GALC: variants seen among roughly 807,000 people sequenced by gnomAD.
GALC encodes galactosylceramidase, also known as galactocerebrosidase.
Under a neutral mutation model 91.8 loss-of-function variants are expected in GALC, and 77 were observed. The observed-to-expected ratio is 0.84, with a 90% CI of 0.70 to 1.01. GALC has a LOEUF of 1.01. Ranked by LOEUF, GALC falls within the 50% of genes least tolerant of loss-of-function variation. The pLI is 0.00. For synonymous variants in GALC, 357 were observed against 306.7 expected (o/e 1.16, Z -1.71); for missense variants, 882 against 855.9 (o/e 1.03, Z -0.38).
At position 87,934,843 on chromosome 14, in the gene GALC, A is replaced by C; in HGVS notation, c.1947T>G (p.Ser649=). Residue 649 remains serine (S), a synonymous_variant, in exon 17 of 17, where the codon TCT becomes TCG. Coordinates refer to ENST00000261304, the MANE Select transcript of GALC (RefSeq NM_000153.4). ...AATTCACAGGGATGTCTGTCCACAG[A>C]GACTTGTCATTCAGCATGCCAGAGG... ...HFTSGMLNDK[S]LWTDIPVNFP... 1.2e-6 allele frequency: 2 copies of C among 1,612,828 alleles called. No homozygotes were observed. The highest frequency in any genetic ancestry group is 1.7e-6 in the Non-Finnish European group (2 of 1,179,116).
chr14:87,991,398 T>C (rs1046102957), intron 1 of GALC, among the ~76,000 whole-genome samples: 7 of 152,158 alleles, frequency 4.6e-5, no homozygotes. Context: ...GAGACGGGGT[T>C]TCACCGTGTT....
intron 8 of GALC, among the ~76,000 whole-genome samples, chr14:87,966,295 T>C (rs894196195): frequency 3.9e-5 from 6 of 152,210 alleles, no homozygotes; most frequent in African/African-American, 1.4e-4. Flanking sequence ...ATTGCTGATC[T>C]GCTTTGTGGC....
chr14:87,937,176 TG>T lies in GALC; in HGVS notation c.1912-2299del, dbSNP rs534666731. Among the ~76,000 whole-genome samples the T allele has an allele frequency of 2.9e-3, 447 of 151,930 alleles. 3 individuals are homozygous for T. Among genetic ancestry groups the T allele is most frequent in the African/African-American group, 0.01 (420 of 41,464 alleles). On this transcript the variant is annotated intron_variant, in intron 16 of 16. Transcript: ENST00000261304. Reference sequence around the variant, plus strand: ...ATGGGCAACATAGAAGATGATGTTTTGTTTTTTTTATTTACGCAAAGAAGAT... The same window carrying T: ...ATGGGCAACATAGAAGATGATGTTTTTTTTTTTTATTTACGCAAAGAAGAT...
intron 14 of GALC, among the ~76,000 whole-genome samples, chr14:87,943,460 G>C (rs1197468091): frequency 1.3e-5 from 2 of 151,980 alleles, no homozygotes; most frequent in Non-Finnish European, 2.9e-5. Context: ...TACTAAAATA[G>C]CACTACAGAT....
At chr14:87,941,661 G>A (rs879825641) in intron 14 of GALC, 103 bp from the exon 15 acceptor site, 13 of 847,592 alleles carry the variant, frequency 1.5e-5, no homozygotes, top group Non-Finnish European at 2.6e-5. Context: ...TCTAATTGAG[G>A]TGAGAATGTG....
chr14:87,939,956 T>C lies in GALC; in HGVS notation c.1860A>G (p.Gly620=). 6.2e-7 allele frequency: 1 copy of C among 1,610,594 alleles called. No individual in the cohort carries two copies. The highest frequency in any genetic ancestry group is 8.5e-7 in the Non-Finnish European group (1 of 1,177,404). ...DLAGWIIYAL[G]RVEVTAKKWY... ...ATTTTTTTGCTGTAACTTCAACACG[T>C]CCTAAAGCATATATAATCCATCCAG... Residue 620 remains glycine, a synonymous_variant, in exon 16 of 17, where the codon GGA becomes GGG. Transcript: ENST00000261304.
In GALC at chr14:87,955,136, A is replaced by G. The variant is rs1231568785; in HGVS notation, c.1162-4388T>C. ...TTAGATGAAAGCAGCTATCCATTACAACAAGATTTCTCCCTCCTGGATTTT... is the reference window on the plus strand; with the variant it reads ...TTAGATGAAAGCAGCTATCCATTACGACAAGATTTCTCCCTCCTGGATTTT... On this transcript the variant is annotated intron_variant, in intron 10 of 16. Transcript: ENST00000261304. 3.0e-6 allele frequency: 4 copies of G among 1,347,306 alleles called. No individual in the cohort carries two copies. The East Asian group carries it at 9.2e-5, about 31-fold the overall frequency. The allele number at this position is 1,347,306 out of a possible 1,614,324, so 83.5% of individuals were successfully genotyped here.
At chr14:87,992,289 C>T in intron 1 of GALC, 1 of 1,535,654 alleles carries the variant, frequency 6.5e-7, no homozygotes, top group Non-Finnish European at 8.7e-7. Context: ...AACCAAAAAA[C>T]AAAAACCTTC....
chr14:87,969,008 A>G lies in GALC; in HGVS notation c.753-518T>C, dbSNP rs114829466. 8.4e-4 allele frequency among the ~76,000 whole-genome samples: 128 copies of G among 152,310 alleles called. 1 individual carries two copies. Among genetic ancestry groups the G allele is most frequent in the African/African-American group, 2.9e-3 (120 of 41,572 alleles). On this transcript the variant is annotated intron_variant, in intron 7 of 16. Coordinates refer to ENST00000261304, the MANE Select transcript of GALC (RefSeq NM_000153.4). ...CTACTCCTGTCCTTAGAACACAGAA[A>G]GATAGCTTGGCATTTACTCCCAGGC...
chr14:87,973,601 G>A (rs1886381512), intron 7 of GALC, among the ~76,000 whole-genome samples: 1 of 152,088 alleles, frequency 6.6e-6, no homozygotes, highest in African/African-American at 2.4e-5. Context: ...TTCCACGGTA[G>A]GGGAGAAAAA....
At chr14:87,945,773 C>G (rs1223162095) in intron 13 of GALC, 40 bp from the exon 14 acceptor site, 1 of 1,412,296 alleles carries the variant, frequency 7.1e-7, no homozygotes, top group Non-Finnish European at 1.0e-6. Context: ...AGTATCAAAT[C>G]CTTCAGAAGC....
intron 16 of GALC, among the ~76,000 whole-genome samples, chr14:87,939,422 A>G (rs1312582292): frequency 6.6e-6 from 1 of 151,910 alleles, no homozygotes; most frequent in Non-Finnish European, 1.5e-5. Flanking sequence ...AGTGATTCTC[A>G]GGAACATTTT....
chr14:87,934,110 A>C lies in GALC; in HGVS notation c.*622T>G, dbSNP rs1884469655. The C allele has an allele frequency of 6.7e-7, 1 of 1,492,706 alleles. No individual in the cohort carries two copies. The highest frequency in any genetic ancestry group is 1.4e-5 in the African/African-American group (1 of 71,796). The allele number at this position is 1,492,706 out of a possible 1,614,324, so 92.5% of individuals were successfully genotyped here. A position where few individuals can be genotyped will look rare whatever the true frequency, so the allele number is the denominator to read the frequency against. ...AATCTGCTAATATCTATTACTGCAG[A>C]AATAGTGTTAGAGGTAGTTTATTAA... On this transcript the variant is annotated 3_prime_UTR_variant, in exon 17 of 17. Coordinates refer to ENST00000261304, the MANE Select transcript of GALC (RefSeq NM_000153.4).
chr14:87,939,773 C>T (rs1884754432), intron 16 of GALC, 132 bp downstream of exon 16: 18 of 750,922 alleles, frequency 2.4e-5, no homozygotes, highest in South Asian at 1.8e-4. Flanking sequence ...AGTGGCTTCC[C>T]GGCACCAAGG....
intron 12 of GALC, 58 bp downstream of exon 12, chr14:87,949,787 C>G: frequency 1.2e-6 from 1 of 823,752 alleles, no homozygotes; most frequent in Non-Finnish European, 2.1e-6. Context: ...CATTTCTGTG[C>G]CCTTTTACTG....
At chr14:87,993,516 CT>C (rs1263379899), upstream of GALC, 6 of 1,518,514 alleles carry the variant, frequency 4.0e-6, no homozygotes, top group Non-Finnish European at 5.3e-6. Context: ...GAGTATCTAC[CT>C]CGTGCGAGGA....
At chr14:87,948,816 T>A (rs940455520) in intron 12 of GALC, among the ~76,000 whole-genome samples, 1 of 151,946 alleles carries the variant, frequency 6.6e-6, no homozygotes, top group Non-Finnish European at 1.5e-5. Flanking sequence ...ACTTAATACA[T>A]AATAAGGTGT....
At chr14:87,968,188 T>C (rs1204264311) in intron 8 of GALC, 147 bp downstream of exon 8, 4 of 627,814 alleles carry the variant, frequency 6.4e-6, no homozygotes, top group African/African-American at 3.7e-5. Context: ...AGATTAGGTA[T>C]AGGTATACAA....
chr14:87,942,868 T>C (rs940876404), intron 14 of GALC, among the ~76,000 whole-genome samples: 2 of 152,034 alleles, frequency 1.3e-5, no homozygotes, highest in Non-Finnish European at 2.9e-5. Context: ...TTGTATGTCC[T>C]CTGACATCAG....
Sources: allele counts gnomAD v4.1 joint callset (sites outside exome capture counted in the v4.1 genomes callset), GRCh38; gene constraint gnomAD v4.1.1; transcripts MANE v1.5; gene names NCBI Gene and HGNC (gene_info 2026-07-23, HGNC 2026-07-21).